TIAM2: variants seen among roughly 807,000 people sequenced by gnomAD.
The protein encoded by TIAM2 is TIAM Rac1 associated GEF 2, also known as rho guanine nucleotide exchange factor TIAM2.
In TIAM2, 80 loss-of-function variants were observed where a neutral mutation model predicts 152.9. The observed-to-expected ratio is 0.52, with a 90% CI of 0.44 to 0.63. The LOEUF (loss-of-function observed/expected upper bound fraction) is 0.63. Among genes scored for constraint, TIAM2 ranks in the 30% least tolerant of loss-of-function variants. TIAM2 has a pLI of 0.00. For synonymous variants in TIAM2, 804 were observed against 838.0 expected (o/e 0.96, Z 0.70); for missense variants, 1,965 against 2,120.1 (o/e 0.93, Z 1.44).
Position 154,995,368 on chromosome 6 carries a change from A to G in TIAM2, c.-333A>G, listed in dbSNP as rs534735678. On this transcript the variant is annotated 5_prime_UTR_variant, in exon 1 of 27. Coordinates refer to ENST00000682666, the MANE Select transcript of TIAM2 (RefSeq NM_012454.4). This position sits in a 1 kb window ranked among gnomAD's most constrained non-coding sequence, Gnocchi z 5.2. The stretch of plus-strand genomic sequence containing the variant: ...GCCGCAGGCGCACAGCGCGCGTCCA[A>G]GTGGAGAACAAAGTGACCCCCAGAA... 5,619 of 151,080 alleles carry G rather than the reference A, an allele frequency of 0.037. 147 individuals are homozygous for G. Among genetic ancestry groups the G allele is most frequent in the Middle Eastern group, 0.065 (19 of 292 alleles). The allele number at this position is 151,080 out of a possible 1,614,324, so 9.4% of individuals were successfully genotyped here.
At chr6:155,168,715 G>C in intron 9 of TIAM2, 1 of 737,850 alleles carries the variant, frequency 1.4e-6, no homozygotes, top group Non-Finnish European at 2.1e-6. Context: ...TTAGAATAAT[G>C]ATACAAATTG....
At chr6:155,093,015 T>C (rs925537636) in intron 2 of TIAM2, among the ~76,000 whole-genome samples, 3 of 152,242 alleles carry the variant, frequency 2.0e-5, no homozygotes, top group African/African-American at 4.8e-5. Context: ...TAATAAGTTA[T>C]ACTTCTAATA....
intron 2 of TIAM2, among the ~76,000 whole-genome samples, chr6:155,111,109 T>G (rs1778836415): frequency 6.6e-6 from 1 of 151,750 alleles, no homozygotes; most frequent in African/African-American, 2.4e-5. Flanking sequence ...AGAAACCAAG[T>G]GGAGAGAATA....
chr6:155,148,084 CAGG>C, intron 6 of TIAM2, 23 bp from the exon 7 acceptor site: 4 of 1,610,872 alleles, frequency 2.5e-6, no homozygotes, highest in Non-Finnish European at 3.4e-6. Flanking sequence ...TGATTCGAAA[CAGG>C]CTTTCTCCCT....
At chr6:155,014,197 T>C (rs183915569) in intron 1 of TIAM2, among the ~76,000 whole-genome samples, 74 of 152,340 alleles carry the variant, frequency 4.9e-4, no homozygotes, top group African/African-American at 1.7e-3. Flanking sequence ...CTTGAAAATA[T>C]ATTTTTCTTT....
chr6:155,046,781 C>G (rs1244855123), intron 1 of TIAM2, among the ~76,000 whole-genome samples: 1 of 152,134 alleles, frequency 6.6e-6, no homozygotes, highest in Non-Finnish European at 1.5e-5. Flanking sequence ...GACAGAGAGA[C>G]CTTACTACCT....
chr6:155,144,499 G>A (rs2115059749), intron 5 of TIAM2, 107 bp from the exon 6 acceptor site: 2 of 1,093,354 alleles, frequency 1.8e-6, no homozygotes, highest in East Asian at 5.7e-5. Context: ...TCTGTCACAT[G>A]ATTGTCTCAC....
rs1783691479 is a variant in TIAM2 at position 155,252,016 on chromosome 6, T to C, written c.4119+13T>C. ...GAAAAAGAAATTGGTAAGGCAAAAATTCATTTTAATTTAAGCTACCTTTTC... is the reference window on the plus strand; with the variant it reads ...GAAAAAGAAATTGGTAAGGCAAAAACTCATTTTAATTTAAGCTACCTTTTC... On this transcript the variant is annotated intron_variant, in intron 23 of 26. Coordinates refer to ENST00000682666, the MANE Select transcript of TIAM2 (RefSeq NM_012454.4). The C allele has an allele frequency of 1.3e-6, 2 of 1,590,500 alleles. No homozygotes were observed. The highest frequency in any genetic ancestry group is 1.7e-6 in the Non-Finnish European group (2 of 1,164,552).
At chr6:155,051,268 C>T (rs540308943) in intron 1 of TIAM2, among the ~76,000 whole-genome samples, 9 of 152,156 alleles carry the variant, frequency 5.9e-5, no homozygotes, top group Non-Finnish European at 1.3e-4. Flanking sequence ...AGGCACAGCG[C>T]GTAATGGAAA....
At chr6:155,253,095 G>A in intron 24 of TIAM2, 42 bp downstream of exon 24, 1 of 1,515,566 alleles carries the variant, frequency 6.6e-7, no homozygotes, top group Non-Finnish European at 9.1e-7. Context: ...AAGCATTTTA[G>A]TAGACTTAAC....
intron 1 of TIAM2, among the ~76,000 whole-genome samples, chr6:155,017,458 T>A (rs1002450271): frequency 1.1e-4 from 17 of 151,314 alleles, no homozygotes; most frequent in African/African-American, 4.1e-4. Flanking sequence ...ATATAAGTCC[T>A]TGCTTCCTGT....
At chr6:155,249,429 G>A (rs969033752) in intron 20 of TIAM2, among the ~76,000 whole-genome samples, 4 of 152,176 alleles carry the variant, frequency 2.6e-5, no homozygotes, top group Admixed American at 6.5e-5. Context: ...CTCCATTCTT[G>A]TGTTTTCCTC....
chr6:155,050,614 G>A (rs575762417), intron 1 of TIAM2, among the ~76,000 whole-genome samples: 10 of 152,302 alleles, frequency 6.6e-5, no homozygotes, highest in South Asian at 4.1e-4. Flanking sequence ...GAGAGGCTGC[G>A]TGCTTTCCTA....
intron 1 of TIAM2, among the ~76,000 whole-genome samples, chr6:155,018,995 G>A (rs182931353): frequency 1.6e-4 from 24 of 149,606 alleles, no homozygotes; most frequent in Admixed American, 6.7e-4. Context: ...AGCTGAGATC[G>A]TGCTAGTGCA....
In TIAM2 at chr6:155,254,411, C is replaced by A. The variant is rs148014772; in HGVS notation, c.4314-8C>A. The stretch of plus-strand genomic sequence containing the variant: ...CACTTCTGCTGTTTTCTCTCCCCCC[C>A]CACCCAGTGACAGTGAAAGCAAAAC... On this transcript the variant is annotated splice_polypyrimidine_tract_variant and splice_region_variant and intron_variant, in intron 25 of 26. Coordinates refer to ENST00000682666, the MANE Select transcript of TIAM2 (RefSeq NM_012454.4). 33 of 1,610,178 alleles carry A rather than the reference C, an allele frequency of 2.0e-5. No individual in the cohort carries two copies. Among genetic ancestry groups the A allele is most frequent in the Admixed American group, 8.3e-5 (5 of 59,970 alleles).
At chr6:155,140,697 TCTAGGGATATTTAG>T (rs1374267772) in intron 5 of TIAM2, among the ~76,000 whole-genome samples, 2 of 151,646 alleles carry the variant, frequency 1.3e-5, no homozygotes, top group Non-Finnish European at 2.9e-5. Flanking sequence ...GGCATAAAGA[TCTAGGGATATTTAG>T]CATGGAGAAA....
chr6:155,000,553 C>T lies in TIAM2; in HGVS notation c.-209+5061C>T, dbSNP rs188466505. Among the ~76,000 whole-genome samples, 247 of 135,200 alleles carry T rather than the reference C, an allele frequency of 1.8e-3. 2 individuals carry two copies. Among genetic ancestry groups the T allele is most frequent in the East Asian group, 3.4e-3 (15 of 4,426 alleles). 88.7% of individuals were successfully genotyped at this position (135,200 alleles called of 152,430 possible). On this transcript the variant is annotated intron_variant, in intron 1 of 26. Transcript: ENST00000682666. ...GCAAAAAAAAAAAAAAAAAAAGCAT[C>T]CAAAAAACTGTTACGCTCTCAACAC...
chr6:154,996,273 A>G (rs1001156441), intron 1 of TIAM2, among the ~76,000 whole-genome samples: 1 of 152,224 alleles, frequency 6.6e-6, no homozygotes, highest in Non-Finnish European at 1.5e-5. Context: ...ATGAGCTTGC[A>G]TGCCGTTTTT....
Position 155,069,873 on chromosome 6 carries a change from T to G in TIAM2, c.-208-20416T>G, listed in dbSNP as rs190466946. Among the ~76,000 whole-genome samples, 24 of 151,960 alleles carry G rather than the reference T, an allele frequency of 1.6e-4. No homozygotes were observed. The East Asian group carries it at 3.3e-3, about 21-fold the overall frequency. On this transcript the variant is annotated intron_variant, in intron 1 of 26. Transcript: ENST00000682666. ...GAGTTCTGCCTCCCTGGGTATTGTGTAGCTTTGGAATGTGCTATCTGGACA... is the reference window on the plus strand; with the variant it reads ...GAGTTCTGCCTCCCTGGGTATTGTGGAGCTTTGGAATGTGCTATCTGGACA...
Sources: allele counts gnomAD v4.1 joint callset (sites outside exome capture counted in the v4.1 genomes callset), GRCh38; gene constraint gnomAD v4.1.1; non-coding constraint Gnocchi (gnomAD v3.1); transcripts MANE v1.5; gene names NCBI Gene and HGNC (gene_info 2026-07-23, HGNC 2026-07-21).